TBC1D19: variants seen among roughly 807,000 people sequenced by gnomAD.
TBC1D19 encodes TBC1 domain family, member 19.
Under a neutral mutation model 89.0 loss-of-function variants are expected in TBC1D19, and 60 were observed. The ratio of observed to expected loss-of-function variants is 0.67; its 90% confidence interval spans 0.55 to 0.84. The LOEUF is 0.84. Ranked by LOEUF, TBC1D19 falls within the 40% of genes least tolerant of loss-of-function variation. TBC1D19 has a pLI of 0.00. For synonymous variants in TBC1D19, 189 were observed against 199.7 expected (o/e 0.95, Z 0.45); for missense variants, 500 against 610.8 (o/e 0.82, Z 1.91).
chr4:26,707,615 A>G (rs1333356006), intron 13 of TBC1D19, among the ~76,000 whole-genome samples: 1 of 151,260 alleles, frequency 6.6e-6, no homozygotes, highest in Non-Finnish European at 1.5e-5. Context: ...CATTTTCTGT[A>G]TTGCTGTCTT....
chr4:26,680,649 A>G (rs1713254408), intron 11 of TBC1D19, among the ~76,000 whole-genome samples: 1 of 152,128 alleles, frequency 6.6e-6, no homozygotes, highest in Non-Finnish European at 1.5e-5. Flanking sequence ...TCTGACATAC[A>G]CCCACCCCCA....
At chr4:26,587,507 GCA>G (rs1739487490) in intron 1 of TBC1D19, among the ~76,000 whole-genome samples, 1 of 150,012 alleles carries the variant, frequency 6.7e-6, no homozygotes. Context: ...AACCTGGGTA[GCA>G]GAGGTTGCAG....
At chr4:26,697,078 T>C (rs1405672199) in intron 13 of TBC1D19, among the ~76,000 whole-genome samples, 2 of 152,086 alleles carry the variant, frequency 1.3e-5, no homozygotes, top group Non-Finnish European at 2.9e-5. Flanking sequence ...AGCTGGTTTT[T>C]TGAAAAGATC....
At chr4:26,579,411 A>C (rs959910264), upstream of TBC1D19, among the ~76,000 whole-genome samples, 4 of 148,464 alleles carry the variant, frequency 2.7e-5, no homozygotes, top group African/African-American at 1.1e-4. Flanking sequence ...TCTTCTTCGG[A>C]GCTTCTTGGA....
intron 8 of TBC1D19, among the ~76,000 whole-genome samples, chr4:26,662,341 CA>C (rs974721607): frequency 5.3e-5 from 8 of 151,158 alleles, no homozygotes; most frequent in Admixed American, 1.3e-4. Flanking sequence ...TATAGTATGC[CA>C]AAAAATACAT....
chr4:26,827,717 G>T, the TBC1D19 span, among the ~76,000 whole-genome samples: 106 of 143,732 alleles, frequency 7.4e-4, 1 homozygote, highest in East Asian at 2.0e-3. Flanking sequence ...TTTTTGTTTT[G>T]TTTTTTTTTT....
At chr4:26,782,737 C>T in the TBC1D19 span, among the ~76,000 whole-genome samples, 1 of 148,240 alleles carries the variant, frequency 6.7e-6, no homozygotes, top group African/African-American at 2.5e-5. Context: ...AAAACATTGA[C>T]TTTTTTTTTA....
chr4:26,797,998 G>A, the TBC1D19 span, among the ~76,000 whole-genome samples: 1 of 152,168 alleles, frequency 6.6e-6, no homozygotes, highest in African/African-American at 2.4e-5. Context: ...AAGAATTTAT[G>A]CTGAAGACCT....
At chr4:26,696,612 A>G (rs1254524335) in intron 13 of TBC1D19, among the ~76,000 whole-genome samples, 1 of 152,202 alleles carries the variant, frequency 6.6e-6, no homozygotes, top group African/African-American at 2.4e-5. Context: ...TTGGAAGTAA[A>G]GCACTCCTCA....
In TBC1D19 at chr4:26,665,060, G is replaced by A. The variant is rs367709629; in HGVS notation, c.592-1273G>A. ...CTGCTTCCTGCTGAACTGGGGCATA[G>A]TAGGGGACGTGCAGTTGAGATTTCC... is the stretch of plus-strand genomic sequence containing the variant. On this transcript the variant is annotated intron_variant, in intron 8 of 20. Coordinates refer to ENST00000264866, the MANE Select transcript of TBC1D19 (RefSeq NM_018317.4). Among the ~76,000 whole-genome samples the A allele has an allele frequency of 3.9e-5, 6 of 152,266 alleles. No homozygotes were observed. The South Asian group carries it at 6.2e-4, about 16-fold the overall frequency.
chr4:26,645,756 T>G (rs986242006), intron 7 of TBC1D19, among the ~76,000 whole-genome samples: 2 of 152,136 alleles, frequency 1.3e-5, no homozygotes, highest in Non-Finnish European at 2.9e-5. Context: ...AATCTACCCA[T>G]GTGACATAGG....
intron 13 of TBC1D19, among the ~76,000 whole-genome samples, chr4:26,703,572 G>A (rs907254732): frequency 1.3e-5 from 2 of 152,102 alleles, no homozygotes; most frequent in African/African-American, 4.8e-5. Context: ...ATTGGATTTT[G>A]TGACTACACT....
chr4:26,788,857 C>A, the TBC1D19 span, among the ~76,000 whole-genome samples: 1 of 152,198 alleles, frequency 6.6e-6, no homozygotes, highest in Non-Finnish European at 1.5e-5. Flanking sequence ...CTGAAGCTGC[C>A]TCTCAAATTC....
At chr4:26,670,534 A>C (rs1179916331) in intron 9 of TBC1D19, among the ~76,000 whole-genome samples, 1 of 151,712 alleles carries the variant, frequency 6.6e-6, no homozygotes, top group Non-Finnish European at 1.5e-5. Context: ...CAAGTACTGC[A>C]GGTAATAGAA....
Position 26,637,267 on chromosome 4 carries a change from T to G in TBC1D19, c.351T>G (p.Ser117Arg). Residue 117 changes from serine (S) to arginine (R), a missense_variant, in exon 5 of 21, where the codon AGT becomes AGG. By Grantham distance (110) the Ser-to-Arg change is moderately radical. Transcript: ENST00000264866. ...KSLNSMCTELSIPLARKRPVG... is the reference protein window; with the variant it reads ...KSLNSMCTELRIPLARKRPVG... ...TAAATAGTATGTGCACTGAACTGAG[T>G]ATCCCACTGGCACGAAAGGTACTTT... 1 of 1,610,392 alleles carries G rather than the reference T, an allele frequency of 6.2e-7. No homozygotes were observed. Among genetic ancestry groups the G allele is most frequent in the South Asian group, 1.1e-5 (1 of 90,378 alleles).
At chr4:26,843,967 C>A in the TBC1D19 span, among the ~76,000 whole-genome samples, 2 of 152,172 alleles carry the variant, frequency 1.3e-5, no homozygotes, top group African/African-American at 4.8e-5. Context: ...GGGGATGGCA[C>A]CAAGCCTTTC....
At chr4:26,639,299 A>G (rs1743334613) in intron 6 of TBC1D19, among the ~76,000 whole-genome samples, 1 of 151,938 alleles carries the variant, frequency 6.6e-6, no homozygotes, top group African/African-American at 2.4e-5. Flanking sequence ...TAATCCTCCC[A>G]TCCTCCCACC....
At chr4:26,694,161 T>A (rs767305939) in intron 13 of TBC1D19, among the ~76,000 whole-genome samples, 12 of 151,794 alleles carry the variant, frequency 7.9e-5, no homozygotes, top group Non-Finnish European at 1.8e-4. Context: ...AGAGAAGGGG[T>A]GACAGACGGC....
chr4:26,609,081 G>A (rs980686051), intron 1 of TBC1D19, among the ~76,000 whole-genome samples: 15 of 118,766 alleles, frequency 1.3e-4, no homozygotes, highest in Admixed American at 7.1e-4. Flanking sequence ...GGGGGGAGGG[G>A]TAGCATTAGG....
Sources: allele counts gnomAD v4.1 joint callset (sites outside exome capture counted in the v4.1 genomes callset), GRCh38; gene constraint gnomAD v4.1.1; transcripts MANE v1.5; gene names NCBI Gene and HGNC (gene_info 2026-07-23, HGNC 2026-07-21).